CDKAL1: variants seen among roughly 807,000 people sequenced by gnomAD.
CDKAL1 encodes the protein CDKAL1 threonylcarbamoyladenosine tRNA methylthiotransferase.
Under a neutral mutation model 68.2 loss-of-function variants are expected in CDKAL1, and 32 were observed. That is an observed-to-expected ratio of 0.47 (90% CI 0.35 to 0.63). The LOEUF is 0.63. Ranked by LOEUF, CDKAL1 falls within the 30% of genes least tolerant of loss-of-function variation. The pLI is 0.00. For synonymous variants in CDKAL1, 234 were observed against 244.3 expected, an observed-to-expected ratio of 0.96 and a Z score of 0.39; for missense variants, 606 against 696.7, an observed-to-expected ratio of 0.87 and a Z score of 1.47.
At chr6:20,789,937 A>G (rs1326950210) in intron 8 of CDKAL1, among the ~76,000 whole-genome samples, 2 of 152,194 alleles carry the variant, frequency 1.3e-5, no homozygotes, top group Non-Finnish European at 2.9e-5. Flanking sequence ...CTGCAAATGA[A>G]TGTTGATTTG....
intron 9 of CDKAL1, among the ~76,000 whole-genome samples, chr6:20,891,048 C>A (rs930614075): frequency 1.3e-5 from 2 of 152,132 alleles, no homozygotes; most frequent in Non-Finnish European, 2.9e-5. Context: ...CTCCCCTTTC[C>A]CCCGCTACCC....
At chr6:20,948,737 C>G (rs1039369116) in intron 9 of CDKAL1, among the ~76,000 whole-genome samples, 1 of 152,124 alleles carries the variant, frequency 6.6e-6, no homozygotes, top group Non-Finnish European at 1.5e-5. Context: ...TCTGTATTTT[C>G]TCTAGGGGTA....
At chr6:21,060,555 CTTTA>C (rs1193092878) in intron 11 of CDKAL1, among the ~76,000 whole-genome samples, 9 of 151,672 alleles carry the variant, frequency 5.9e-5, no homozygotes, top group East Asian at 1.9e-4. Flanking sequence ...TTATTATTTT[CTTTA>C]TTTGTCTTTT....
At chr6:21,148,054 A>G (rs1423528114) in intron 13 of CDKAL1, among the ~76,000 whole-genome samples, 1 of 152,246 alleles carries the variant, frequency 6.6e-6, no homozygotes, top group African/African-American at 2.4e-5. Context: ...CTGGTCAGCC[A>G]TATCTGAGAT....
chr6:21,206,554 T>C (rs1483687451), intron 15 of CDKAL1, among the ~76,000 whole-genome samples: 4 of 152,224 alleles, frequency 2.6e-5, no homozygotes, highest in African/African-American at 7.2e-5. Context: ...GAACATTTTC[T>C]CTTCTAATTT....
chr6:21,117,930 C>A (rs746560514), intron 13 of CDKAL1, among the ~76,000 whole-genome samples: 17 of 152,198 alleles, frequency 1.1e-4, no homozygotes, highest in Non-Finnish European at 1.9e-4. Context: ...GTTTTTCAAA[C>A]TTTTATTCGT....
intron 13 of CDKAL1, among the ~76,000 whole-genome samples, chr6:21,153,890 A>T (rs908035341): frequency 4.6e-5 from 7 of 152,210 alleles, no homozygotes; most frequent in African/African-American, 1.7e-4. Context: ...TGAGAAGGAC[A>T]CTGGACTTTT....
intron 13 of CDKAL1, among the ~76,000 whole-genome samples, chr6:21,166,630 A>G (rs1396390502): frequency 6.6e-6 from 1 of 152,180 alleles, no homozygotes; most frequent in African/African-American, 2.4e-5. Flanking sequence ...TTCACTATTA[A>G]AAAAACTTCA....
chr6:20,655,058 CT>C (rs1268735676), intron 5 of CDKAL1, among the ~76,000 whole-genome samples: 1 of 152,146 alleles, frequency 6.6e-6, no homozygotes, highest in East Asian at 1.9e-4. Flanking sequence ...AGGATTGATT[CT>C]TTTCTTTCTA....
At chr6:20,682,200 A>G (rs1770410567) in intron 5 of CDKAL1, among the ~76,000 whole-genome samples, 1 of 152,148 alleles carries the variant, frequency 6.6e-6, no homozygotes, top group Non-Finnish European at 1.5e-5. Context: ...CTCCCTCAAG[A>G]AACCCTGGTT....
At position 21,161,726 on chromosome 6, in the gene CDKAL1, A is replaced by G. The variant is rs146031124; in HGVS notation, c.1300-36295A>G. Among the ~76,000 whole-genome samples, 279 of 152,356 alleles carry G rather than the reference A, an allele frequency of 1.8e-3. 1 individual carries two copies. The highest frequency in any genetic ancestry group is 6.8e-3 in the Middle Eastern group (2 of 294). On this transcript the variant is annotated intron_variant, in intron 13 of 15. Transcript: ENST00000274695. ...GCTAACATATAAACTCTGCTTCTGC[A>G]TGGCTTCTTTTATGGGCTTGGAGTA... is the stretch of plus-strand genomic sequence containing the variant.
At chr6:21,088,689 C>G (rs1455270119) in intron 12 of CDKAL1, among the ~76,000 whole-genome samples, 2 of 152,180 alleles carry the variant, frequency 1.3e-5, no homozygotes, top group African/African-American at 2.4e-5. Context: ...CACCTGTAAT[C>G]CCAGCACTTT....
intron 12 of CDKAL1, among the ~76,000 whole-genome samples, chr6:21,102,734 T>G (rs1200009346): frequency 1.3e-5 from 2 of 152,204 alleles, no homozygotes; most frequent in Non-Finnish European, 2.9e-5. Context: ...GAATTTTTTT[T>G]GGGCATAACT....
intron 15 of CDKAL1, among the ~76,000 whole-genome samples, chr6:21,228,410 G>A (rs115245024): frequency 1.1e-4 from 16 of 152,210 alleles, no homozygotes; most frequent in Non-Finnish European, 1.3e-4. Flanking sequence ...CTCAGGCCTC[G>A]GAGAAATTAA....
chr6:20,676,456 A>G (rs1219846933), intron 5 of CDKAL1, among the ~76,000 whole-genome samples: 1 of 152,062 alleles, frequency 6.6e-6, no homozygotes, highest in Non-Finnish European at 1.5e-5. Context: ...TCATGAGGTC[A>G]GGAGATCGAG....
At chr6:21,059,127 C>A (rs1451152700) in intron 11 of CDKAL1, among the ~76,000 whole-genome samples, 1 of 152,204 alleles carries the variant, frequency 6.6e-6, no homozygotes, top group Non-Finnish European at 1.5e-5. Context: ...GAAATTCCCA[C>A]AGGGAGGCCC....
chr6:21,231,064 AAAG>A lies in CDKAL1; in HGVS notation c.*31_*33del, dbSNP rs1190043451. On this transcript the variant is annotated 3_prime_UTR_variant, in exon 16 of 16. Coordinates refer to ENST00000274695, the MANE Select transcript of CDKAL1 (RefSeq NM_017774.3). ...GAATACAACTAATGGAAACATCTAT[AAAG>A]AAGAATACATTTCTAATTAAAATCT... 1 of 1,510,816 alleles carries A rather than the reference AAAG, an allele frequency of 6.6e-7. No individual in the cohort carries two copies. Among genetic ancestry groups the A allele is most frequent in the Non-Finnish European group, 9.1e-7 (1 of 1,103,228 alleles). 93.6% of individuals were successfully genotyped at this position (1,510,816 alleles called of 1,614,324 possible).
chr6:20,715,691 T>A (rs934739646), intron 5 of CDKAL1, among the ~76,000 whole-genome samples: 3 of 152,238 alleles, frequency 2.0e-5, no homozygotes, highest in African/African-American at 7.2e-5. Flanking sequence ...ACAAGGGTTC[T>A]CTTTCCACCA....
At position 20,775,213 on chromosome 6, in the gene CDKAL1, A is replaced by G. The variant is rs541497161; in HGVS notation, c.518-5932A>G. Among the ~76,000 whole-genome samples, 7 of 152,284 alleles carry G rather than the reference A, an allele frequency of 4.6e-5. No homozygotes were observed. The South Asian group carries it at 1.5e-3, about 32-fold the overall frequency. The stretch of plus-strand genomic sequence containing the variant: ...TGTCATTATCAGTTGATCTTGTCAC[A>G]CTGAGCATCATCTCCCCATCTGTTC... On this transcript the variant is annotated intron_variant, in intron 7 of 15. Transcript: ENST00000274695.
Sources: allele counts gnomAD v4.1 joint callset (sites outside exome capture counted in the v4.1 genomes callset), GRCh38; gene constraint gnomAD v4.1.1; transcripts MANE v1.5; gene names NCBI Gene and HGNC (gene_info 2026-07-23, HGNC 2026-07-21).